The following KCNT2 variants were observed in gnomAD, a reference collection of about 807,000 sequenced individuals.
KCNT2 encodes potassium channel subfamily T member 2.
In KCNT2, 67 loss-of-function variants were observed where a neutral mutation model predicts 153.8. That is an observed-to-expected ratio of 0.44 (90% CI 0.36 to 0.53). The LOEUF (loss-of-function observed/expected upper bound fraction) is 0.53. KCNT2 is among the 20% of genes least tolerant of loss of function. KCNT2 has a pLI of 0.00. For synonymous variants in KCNT2, 500 were observed against 458.8 expected (o/e 1.09, Z -1.15); for missense variants, 975 against 1,354.8 (o/e 0.72, Z 4.40).
chr1:196,450,252 TG>T (rs1347085295), intron 8 of KCNT2, among the ~76,000 whole-genome samples: 1 of 151,870 alleles, frequency 6.6e-6, no homozygotes, highest in Non-Finnish European at 1.5e-5. Flanking sequence ...TAAAGGTTTT[TG>T]TTTTGTTTTA....
At chr1:196,289,577 A>T (rs1331585491) in intron 22 of KCNT2, among the ~76,000 whole-genome samples, 1 of 152,114 alleles carries the variant, frequency 6.6e-6, no homozygotes, top group Admixed American at 6.5e-5. Flanking sequence ...TGCCAGAAAC[A>T]AGAAACAAAC....
At chr1:196,240,824 G>C (rs951802647) in intron 26 of KCNT2, among the ~76,000 whole-genome samples, 2 of 152,044 alleles carry the variant, frequency 1.3e-5, no homozygotes, top group African/African-American at 2.4e-5. Flanking sequence ...CGAGGGGAAG[G>C]CTGGTGGTAT....
intron 13 of KCNT2, among the ~76,000 whole-genome samples, chr1:196,388,091 C>A (rs77623252): frequency 0.014 from 2,083 of 151,732 alleles, 41 homozygotes; most frequent in African/African-American, 0.048. Flanking sequence ...TTAATATTCA[C>A]TGTGTGGTGT....
chr1:196,238,838 A>T (rs1044371104), intron 26 of KCNT2, among the ~76,000 whole-genome samples: 27 of 152,126 alleles, frequency 1.8e-4, no homozygotes, highest in Non-Finnish European at 3.2e-4. Context: ...AATAATAATT[A>T]AAAAAGAATT....
At chr1:196,420,472 C>T (rs1257242328) in intron 12 of KCNT2, among the ~76,000 whole-genome samples, 1 of 151,686 alleles carries the variant, frequency 6.6e-6, no homozygotes, top group Admixed American at 6.6e-5. Flanking sequence ...AGGAGTTAAG[C>T]ACTCAAAAGA....
chr1:196,524,971 T>C (rs1458463666), intron 1 of KCNT2, among the ~76,000 whole-genome samples: 1 of 152,142 alleles, frequency 6.6e-6, no homozygotes, highest in African/African-American at 2.4e-5. Context: ...ATTGCTATGG[T>C]TGAAGTAGAG....
At chr1:196,605,651 A>G (rs1025944375) in intron 1 of KCNT2, among the ~76,000 whole-genome samples, 3 of 152,302 alleles carry the variant, frequency 2.0e-5, no homozygotes, top group African/African-American at 7.2e-5. Flanking sequence ...TCAACTCTAT[A>G]AGAATTGAGT....
chr1:196,390,544 A>T (rs1670386194), intron 13 of KCNT2, among the ~76,000 whole-genome samples: 1 of 151,426 alleles, frequency 6.6e-6, no homozygotes, highest in Non-Finnish European at 1.5e-5. Context: ...TTTCACCTGG[A>T]CAACTATAAT....
rs115401059 is a variant in KCNT2 at position 196,283,803 on chromosome 1, A to T, written c.2698-1447T>A. Among the ~76,000 whole-genome samples, 1,158 of 152,306 alleles carry T rather than the reference A, an allele frequency of 7.6e-3. 8 individuals are homozygous for T. The highest frequency in any genetic ancestry group is 0.02 in the Middle Eastern group (6 of 294). On this transcript the variant is annotated intron_variant, in intron 23 of 27. Transcript: ENST00000294725. ...AATAGAGTATATTCAGTAAGATAGA[A>T]AATAGTACAGCAAATTATGAGCAGA... is the stretch of plus-strand genomic sequence containing the variant.
At chr1:196,370,203 A>C (rs907315448) in intron 14 of KCNT2, among the ~76,000 whole-genome samples, 9 of 152,168 alleles carry the variant, frequency 5.9e-5, no homozygotes, top group African/African-American at 2.2e-4. Context: ...AGATTGCCAA[A>C]TAAATAAAAA....
intron 22 of KCNT2, among the ~76,000 whole-genome samples, chr1:196,295,449 T>C (rs138491969): frequency 4.0e-5 from 6 of 151,518 alleles, no homozygotes; most frequent in South Asian, 2.1e-4. Context: ...TCAACATTAA[T>C]ATTCATGATA....
At chr1:196,431,611 A>G (rs1674159287) in intron 8 of KCNT2, among the ~76,000 whole-genome samples, 1 of 152,138 alleles carries the variant, frequency 6.6e-6, no homozygotes, top group Non-Finnish European at 1.5e-5. Context: ...GTCTGTGTCC[A>G]AATATTTTTG....
chr1:196,417,475 C>T (rs1284932994), intron 12 of KCNT2, among the ~76,000 whole-genome samples: 1 of 152,058 alleles, frequency 6.6e-6, no homozygotes, highest in African/African-American at 2.4e-5. Flanking sequence ...CACATATTTC[C>T]ACTCCGCAGA....
chr1:196,439,606 C>T (rs955108067), intron 8 of KCNT2, among the ~76,000 whole-genome samples: 1 of 151,928 alleles, frequency 6.6e-6, no homozygotes, highest in African/African-American at 2.4e-5. Flanking sequence ...GTAAGAAATA[C>T]TACAGAAAAT....
In KCNT2 at chr1:196,445,967, G is replaced by A. The variant is rs1675654011; in HGVS notation, c.639-16210C>T. On this transcript the variant is annotated intron_variant, in intron 8 of 27. Coordinates refer to ENST00000294725, the MANE Select transcript of KCNT2 (RefSeq NM_198503.5). ...CTGATCAATGATATTTGTTCAAAGA[G>A]CAGTGTCAGAAGGTCAATGACACAT... Among the ~76,000 whole-genome samples, 5 of 151,282 alleles carry A rather than the reference G, an allele frequency of 3.3e-5. No homozygotes were observed. The South Asian group carries it at 1.0e-3, about 31-fold the overall frequency.
chr1:196,251,493 G>A (rs574694855), intron 26 of KCNT2, among the ~76,000 whole-genome samples: 34 of 152,100 alleles, frequency 2.2e-4, no homozygotes, highest in Non-Finnish European at 4.4e-4. Flanking sequence ...GGTGAAATAA[G>A]CCAGGAACAG....
intron 1 of KCNT2, among the ~76,000 whole-genome samples, chr1:196,601,863 T>C (rs370894736): frequency 3.3e-5 from 5 of 152,346 alleles, no homozygotes; most frequent in South Asian, 2.1e-4. Flanking sequence ...ATATCCATCC[T>C]AATTTCAAAA....
intron 8 of KCNT2, among the ~76,000 whole-genome samples, chr1:196,457,344 A>G (rs916350288): frequency 1.3e-5 from 2 of 151,790 alleles, no homozygotes; most frequent in African/African-American, 4.8e-5. Context: ...AATTCTATAC[A>G]ATATTATTAT....
chr1:196,498,510 G>A (rs532440566), intron 1 of KCNT2, among the ~76,000 whole-genome samples: 4 of 152,178 alleles, frequency 2.6e-5, no homozygotes, highest in Non-Finnish European at 2.9e-5. Flanking sequence ...CTCAAACAAG[G>A]GATTATCTGC....
Sources: allele counts gnomAD v4.1 joint callset (sites outside exome capture counted in the v4.1 genomes callset), GRCh38; gene constraint gnomAD v4.1.1; transcripts MANE v1.5; gene names NCBI Gene and HGNC (gene_info 2026-07-23, HGNC 2026-07-21).